TENM2: variants seen among roughly 807,000 people sequenced by gnomAD.
TENM2 encodes teneurin-2.
Under a neutral mutation model 245.2 loss-of-function variants are expected in TENM2, and 52 were observed. The observed-to-expected ratio is 0.21, with a 90% CI of 0.17 to 0.27. The LOEUF is 0.27. Ranked by LOEUF, TENM2 falls within the 10% of genes least tolerant of loss-of-function variation. The pLI is 1.00. For synonymous variants in TENM2, 1,363 were observed against 1,438.9 expected (o/e 0.95, Z 1.19); for missense variants, 3,046 against 3,666.8 (o/e 0.83, Z 4.37).
intron 2 of TENM2, among the ~76,000 whole-genome samples, chr5:167,521,924 C>G (rs1355725314): frequency 2.6e-5 from 4 of 152,070 alleles, no homozygotes; most frequent in African/African-American, 9.7e-5. Flanking sequence ...CACTGGTGCA[C>G]AATATTAATT....
At chr5:167,639,469 AC>A (rs1779419404) in intron 2 of TENM2, among the ~76,000 whole-genome samples, 1 of 152,102 alleles carries the variant, frequency 6.6e-6, no homozygotes, top group Admixed American at 6.5e-5. Context: ...TTTGTCTCTT[AC>A]CACTTGCTAC....
chr5:168,062,142 G>T (rs1383356594), exon 7 of TENM2: 7 of 1,612,750 alleles, frequency 4.3e-6, no homozygotes, highest in Non-Finnish European at 5.1e-6. Context: ...TCCCACCAGG[G>T]GTGTTTTGGA....
chr5:167,069,437 A>G, the TENM2 span, among the ~76,000 whole-genome samples: 1 of 152,188 alleles, frequency 6.6e-6, no homozygotes. Flanking sequence ...TAAATTGCTC[A>G]TCTGATATTA....
At chr5:167,901,188 T>G (rs1279687183) in intron 3 of TENM2, among the ~76,000 whole-genome samples, 1 of 147,318 alleles carries the variant, frequency 6.8e-6, no homozygotes, top group Admixed American at 6.6e-5. Context: ...CTCTTTCTCT[T>G]TCTTTCTCTT....
chr5:167,104,525 A>G, the TENM2 span, among the ~76,000 whole-genome samples: 1 of 152,222 alleles, frequency 6.6e-6, no homozygotes, highest in African/African-American at 2.4e-5. Flanking sequence ...GTTAGATTAA[A>G]TATTTACTTT....
At chr5:168,145,633 C>A (rs951279537) in intron 12 of TENM2, among the ~76,000 whole-genome samples, 1 of 152,068 alleles carries the variant, frequency 6.6e-6, no homozygotes, top group African/African-American at 2.4e-5. Context: ...CAGCTTTGTT[C>A]TTTTGCTTAG....
At chr5:168,047,404 T>C in intron 5 of TENM2, 23 bp from the exon 8 acceptor site, 1 of 1,551,646 alleles carries the variant, frequency 6.4e-7, no homozygotes. Flanking sequence ...ATTCATATTT[T>C]CATTACTTTG....
intron 7 of TENM2, among the ~76,000 whole-genome samples, chr5:168,070,073 CT>C: frequency 6.6e-6 from 1 of 152,288 alleles, no homozygotes; most frequent in East Asian, 1.9e-4. Context: ...ACTTGTCAAA[CT>C]AAGTGATGCT....
the TENM2 span, among the ~76,000 whole-genome samples, chr5:167,152,400 G>A: frequency 6.6e-6 from 1 of 152,134 alleles, no homozygotes; most frequent in East Asian, 1.9e-4. Flanking sequence ...GTGAAAGCTA[G>A]TAGGAGGAAA....
At position 167,612,453 on chromosome 5, in the gene TENM2, C is replaced by T. The variant is rs56270958; in HGVS notation, c.502+236980C>T. ...GCATGATTTTTTTAAAAAAAAGGCT[C>T]AGGAATGTGACCCTGTGTTAATTTC... is the stretch of plus-strand genomic sequence containing the variant. On this transcript the variant is annotated intron_variant, in intron 2 of 28. Coordinates refer to ENST00000518659, the Ensembl canonical transcript of TENM2. 8.7e-3 allele frequency among the ~76,000 whole-genome samples: 1,325 copies of T among 152,074 alleles called. 8 individuals carry two copies. Among genetic ancestry groups the T allele is most frequent in the Middle Eastern group, 0.017 (5 of 292 alleles).
At chr5:168,015,460 A>G (rs1427410002) in intron 5 of TENM2, among the ~76,000 whole-genome samples, 1 of 152,244 alleles carries the variant, frequency 6.6e-6, no homozygotes, top group Non-Finnish European at 1.5e-5. Flanking sequence ...TCGGCACTGC[A>G]GCAGAGAACG....
intron 2 of TENM2, among the ~76,000 whole-genome samples, chr5:167,754,616 T>TA (rs1762168146): frequency 6.7e-6 from 1 of 148,968 alleles, no homozygotes; most frequent in African/African-American, 2.5e-5. Context: ...AGAGAATAAT[T>TA]TAAAAAAAAA....
intron 3 of TENM2, among the ~76,000 whole-genome samples, chr5:167,933,679 AG>A (rs1167517350): frequency 6.6e-6 from 1 of 151,806 alleles, no homozygotes; most frequent in Non-Finnish European, 1.5e-5. Context: ...AAAAAAAAAA[AG>A]GCACATTCAT....
intron 2 of TENM2, among the ~76,000 whole-genome samples, chr5:167,449,634 C>G (rs909479066): frequency 6.6e-6 from 1 of 152,008 alleles, no homozygotes; most frequent in Non-Finnish European, 1.5e-5. Flanking sequence ...CACATGTATA[C>G]TGAGTGAAAA....
chr5:167,866,880 C>T (rs536969506), intron 2 of TENM2, among the ~76,000 whole-genome samples: 20 of 152,332 alleles, frequency 1.3e-4, no homozygotes, highest in African/African-American at 4.8e-4. Flanking sequence ...AAACTTAATA[C>T]AATTAAAAAT....
intron 5 of TENM2, among the ~76,000 whole-genome samples, chr5:167,993,975 G>C (rs1783864788): frequency 6.6e-6 from 1 of 152,392 alleles, no homozygotes; most frequent in Non-Finnish European, 1.5e-5. Context: ...CCCAGGGGCA[G>C]GGTGCCACGT....
the TENM2 span, among the ~76,000 whole-genome samples, chr5:166,998,772 A>T: frequency 1.3e-5 from 2 of 152,192 alleles, no homozygotes; most frequent in African/African-American, 4.8e-5. Context: ...CACACATGGG[A>T]TGTGGTTAAG....
the TENM2 span, among the ~76,000 whole-genome samples, chr5:167,134,144 A>G: frequency 1.3e-5 from 2 of 152,242 alleles, no homozygotes. Flanking sequence ...TTCAAAAGAA[A>G]CAGCAGCAAA....
Position 167,838,496 on chromosome 5 carries a change from T to A in TENM2, c.503-37490T>A, listed in dbSNP as rs1769207386. Among the ~76,000 whole-genome samples the A allele has an allele frequency of 1.3e-5, 2 of 152,192 alleles. 1 individual carries two copies. Among genetic ancestry groups the A allele is most frequent in the South Asian group, 4.1e-4 (2 of 4,830 alleles). On this transcript the variant is annotated intron_variant, in intron 2 of 28. Transcript: ENST00000518659. ...TTCCTACATGGAAGCTTCCATTGCTTACTGTCTGCTTGGAACTCTGAGGGT... is the reference window on the plus strand; with the variant it reads ...TTCCTACATGGAAGCTTCCATTGCTAACTGTCTGCTTGGAACTCTGAGGGT...
Sources: gnomAD v4.1 joint callset for allele counts (sites outside exome capture counted in the v4.1 genomes callset) on GRCh38, gnomAD v4.1.1 for gene constraint, MANE v1.5 for transcripts, NCBI Gene and HGNC (gene_info 2026-07-23, HGNC 2026-07-21) for gene names.